PDE4D: variants seen among roughly 807,000 people sequenced by gnomAD.
PDE4D encodes 3',5'-cyclic-AMP phosphodiesterase 4D.
Under a neutral mutation model 87.4 loss-of-function variants are expected in PDE4D, and 24 were observed. That is an observed-to-expected ratio of 0.27 (90% CI 0.20 to 0.39). The LOEUF is 0.39. Among genes scored for constraint, PDE4D ranks in the 10% least tolerant of loss-of-function variants. The probability of loss-of-function intolerance (pLI) is 1.00; values close to 1 mark genes in which losing one functional copy is unlikely to be tolerated. For synonymous variants in PDE4D, 384 were observed against 383.2 expected, an observed-to-expected ratio of 1.00 and a Z score of -0.02; for missense variants, 714 against 1,041.0, an observed-to-expected ratio of 0.69 and a Z score of 4.32.
chr5:59,462,102 T>A (rs1196845562), intron 1 of PDE4D, among the ~76,000 whole-genome samples: 1 of 152,122 alleles, frequency 6.6e-6, no homozygotes, highest in African/African-American at 2.4e-5. Context: ...TTTAGAATGA[T>A]CAAATTAATG....
chr5:60,322,373 C>CAG (rs1173212371), intron 1 of PDE4D, among the ~76,000 whole-genome samples: 3 of 84,020 alleles, frequency 3.6e-5, no homozygotes, highest in East Asian at 1.0e-3. Context: ...CACATACACA[C>CAG]ACACACACAC....
chr5:59,818,764 G>A (rs13181402), intron 1 of PDE4D, among the ~76,000 whole-genome samples: 1 of 151,988 alleles, frequency 6.6e-6, no homozygotes, highest in South Asian at 2.1e-4. Context: ...CTCACTCCAT[G>A]TAGGTCAGAC....
intron 1 of PDE4D, among the ~76,000 whole-genome samples, chr5:59,764,191 AATC>A (rs1324440164): frequency 6.6e-6 from 1 of 152,158 alleles, no homozygotes; most frequent in Admixed American, 6.5e-5. Flanking sequence ...CTGACAGAGT[AATC>A]ATCTAGAAAT....
chr5:59,314,304 C>T (rs1773256199), intron 1 of PDE4D: 1 of 152,074 alleles, frequency 6.6e-6, no homozygotes, highest in South Asian at 2.1e-4. Context: ...ACTCCTGGGG[C>T]CACAAGGAAC....
chr5:60,129,252 C>T (rs566055373), intron 2 of PDE4D, among the ~76,000 whole-genome samples: 1 of 152,136 alleles, frequency 6.6e-6, no homozygotes, highest in Admixed American at 6.6e-5. Context: ...TTATAGAAAA[C>T]CTGGTATGCA....
At chr5:59,242,234 G>A (rs1207582389) in intron 1 of PDE4D, among the ~76,000 whole-genome samples, 1 of 152,080 alleles carries the variant, frequency 6.6e-6, no homozygotes, top group African/African-American at 2.4e-5. Flanking sequence ...AACTAGGTGA[G>A]GGGAAATTTA....
At chr5:59,742,527 C>G (rs1759007916) in intron 1 of PDE4D, among the ~76,000 whole-genome samples, 1 of 152,138 alleles carries the variant, frequency 6.6e-6, no homozygotes, top group Non-Finnish European at 1.5e-5. Flanking sequence ...CATTTTATAT[C>G]CAAAATATAG....
chr5:59,380,320 A>G lies in PDE4D; in HGVS notation c.456-164352T>C, dbSNP rs761355468. 1.3e-4 allele frequency among the ~76,000 whole-genome samples: 20 copies of G among 151,792 alleles called. 1 individual carries two copies. Among genetic ancestry groups the G allele is most frequent in the Non-Finnish European group, 1.9e-4 (13 of 67,930 alleles). ...AAAGCAATTAAAAAAACTATTAGGA[A>G]ATGAAAAAAAATCCCATCATATAAA... On this transcript the variant is annotated intron_variant, in intron 1 of 14. Coordinates refer to ENST00000340635, the MANE Select transcript of PDE4D (RefSeq NM_001104631.2).
chr5:60,496,601 G>A (rs1222790628), intron 1 of PDE4D, among the ~76,000 whole-genome samples: 2 of 151,866 alleles, frequency 1.3e-5, no homozygotes, highest in South Asian at 4.2e-4. Context: ...AACTGTGTAT[G>A]ACAAAAAAAA....
At chr5:59,005,153 C>T (rs1252617636) in intron 6 of PDE4D, among the ~76,000 whole-genome samples, 4 of 152,134 alleles carry the variant, frequency 2.6e-5, no homozygotes, top group Non-Finnish European at 4.4e-5. Context: ...GTAGATAATA[C>T]TCCTTGTCTT....
At chr5:59,811,177 A>T (rs1768309483) in intron 1 of PDE4D, among the ~76,000 whole-genome samples, 2 of 152,206 alleles carry the variant, frequency 1.3e-5, no homozygotes, top group African/African-American at 4.8e-5. Flanking sequence ...ATGTCCTGAA[A>T]ACTTTGTGCC....
chr5:59,687,829 A>C (rs941735060), intron 1 of PDE4D, among the ~76,000 whole-genome samples: 1 of 152,192 alleles, frequency 6.6e-6, no homozygotes, highest in Non-Finnish European at 1.5e-5. Context: ...GACCCATCTC[A>C]CGTGCAGAGA....
chr5:59,388,540 A>G (rs1339111303), intron 1 of PDE4D, among the ~76,000 whole-genome samples: 1 of 151,930 alleles, frequency 6.6e-6, no homozygotes, highest in African/African-American at 2.4e-5. Flanking sequence ...TTGCACTCCC[A>G]TGTTCATTAT....
At chr5:60,441,518 T>C (rs1012582850) in intron 1 of PDE4D, among the ~76,000 whole-genome samples, 21 of 152,178 alleles carry the variant, frequency 1.4e-4, no homozygotes, top group Non-Finnish European at 2.8e-4. Flanking sequence ...ATTGAGGATA[T>C]AGGCATGGGC....
chr5:59,909,395 AT>A (rs11413475), intron 3 of PDE4D, among the ~76,000 whole-genome samples: 2 of 150,076 alleles, frequency 1.3e-5, no homozygotes, highest in Middle Eastern at 3.2e-3. Context: ...CCTTAGGTGG[AT>A]TTTTTTTTTC....
intron 1 of PDE4D, among the ~76,000 whole-genome samples, chr5:59,255,944 T>C (rs1760886244): frequency 6.6e-6 from 1 of 152,146 alleles, no homozygotes; most frequent in Non-Finnish European, 1.5e-5. Flanking sequence ...AGTTGTTCAA[T>C]CAGCCATATA....
intron 1 of PDE4D, among the ~76,000 whole-genome samples, chr5:60,406,103 G>A (rs1055500352): frequency 6.6e-6 from 1 of 151,624 alleles, no homozygotes; most frequent in South Asian, 2.1e-4. Flanking sequence ...AAATAATAAA[G>A]ATATTTCCTG....
At chr5:59,154,102 G>T (rs566435257) in intron 5 of PDE4D, among the ~76,000 whole-genome samples, 1 of 152,242 alleles carries the variant, frequency 6.6e-6, no homozygotes, top group East Asian at 1.9e-4. Context: ...GGTACCACAC[G>T]AAAGAGATCT....
At chr5:60,514,521 T>C (rs1750708173) in intron 1 of PDE4D, among the ~76,000 whole-genome samples, 1 of 152,090 alleles carries the variant, frequency 6.6e-6, no homozygotes, top group Non-Finnish European at 1.5e-5. Flanking sequence ...TGGAGACTAA[T>C]ACAGTTGGTT....
Sources: gnomAD v4.1 joint callset for allele counts (sites outside exome capture counted in the v4.1 genomes callset) on GRCh38, gnomAD v4.1.1 for gene constraint, MANE v1.5 for transcripts, NCBI Gene and HGNC (gene_info 2026-07-23, HGNC 2026-07-21) for gene names.